The following NRCAM variants were observed in gnomAD, a reference collection of about 807,000 sequenced individuals.
NRCAM encodes the protein neuronal cell adhesion molecule, also known as NgCAM-related cell adhesion molecule.
Under a neutral mutation model 156.5 loss-of-function variants are expected in NRCAM, and 83 were observed. The ratio of observed to expected loss-of-function variants is 0.53; its 90% CI spans 0.44 to 0.64. NRCAM has a LOEUF of 0.64. Ranked by LOEUF, NRCAM falls within the 30% of genes least tolerant of loss-of-function variation. The pLI is 0.00. For synonymous variants in NRCAM, 538 were observed against 563.9 expected (o/e 0.95, Z 0.65); for missense variants, 1,417 against 1,597.3 (o/e 0.89, Z 1.92).
intron 11 of NRCAM, among the ~76,000 whole-genome samples, chr7:108,221,248 T>C (rs2092155009): frequency 6.6e-6 from 1 of 152,188 alleles, no homozygotes; most frequent in Admixed American, 6.5e-5. Flanking sequence ...ACAGTGCTGG[T>C]GGGAATGTAA....
At chr7:108,384,630 C>T (rs1470540406) in intron 2 of NRCAM, among the ~76,000 whole-genome samples, 1 of 152,174 alleles carries the variant, frequency 6.6e-6, no homozygotes, top group African/African-American at 2.4e-5. Flanking sequence ...GATTACAGCG[C>T]TTTTCTCACT....
chr7:108,191,353 T>C, intron 18 of NRCAM, 70 bp from the exon 19 acceptor site: 2 of 1,136,532 alleles, frequency 1.8e-6, no homozygotes, highest in Non-Finnish European at 1.3e-6. Flanking sequence ...TAGCACAAGA[T>C]GACAAAGACT....
chr7:108,374,364 G>A (rs1448586798), intron 2 of NRCAM, among the ~76,000 whole-genome samples: 1 of 151,974 alleles, frequency 6.6e-6, no homozygotes, highest in Non-Finnish European at 1.5e-5. Context: ...GTTTGGTATA[G>A]TGTATCATTT....
At chr7:108,187,275 C>T (rs1042395863) in intron 20 of NRCAM, among the ~76,000 whole-genome samples, 1 of 152,226 alleles carries the variant, frequency 6.6e-6, no homozygotes, top group African/African-American at 2.4e-5. Flanking sequence ...ACACACCCAC[C>T]ACCGAACTCT....
chr7:108,279,065 C>A (rs2097760132), intron 3 of NRCAM, among the ~76,000 whole-genome samples: 2 of 152,304 alleles, frequency 1.3e-5, no homozygotes, highest in Admixed American at 1.3e-4. Flanking sequence ...GCTTAGAAGG[C>A]ACTCTTTCCA....
chr7:108,434,101 T>C (rs1829186362), intron 1 of NRCAM, among the ~76,000 whole-genome samples: 1 of 152,202 alleles, frequency 6.6e-6, no homozygotes, highest in Non-Finnish European at 1.5e-5. Context: ...ACAGCATTTA[T>C]TTATGACAAC....
At chr7:108,255,973 C>T (rs1216323028) in intron 3 of NRCAM, among the ~76,000 whole-genome samples, 2 of 150,130 alleles carry the variant, frequency 1.3e-5, no homozygotes, top group African/African-American at 2.5e-5. Context: ...GGGCAGCCCC[C>T]GCCCGGCCAG....
At chr7:108,401,771 C>T (rs936046227) in intron 1 of NRCAM, among the ~76,000 whole-genome samples, 2 of 152,144 alleles carry the variant, frequency 1.3e-5, no homozygotes, top group African/African-American at 2.4e-5. Flanking sequence ...CTCTCTCTCC[C>T]GACCATGCGT....
intron 15 of NRCAM, 38 bp downstream of exon 15, chr7:108,195,723 A>C (rs778910516): frequency 4.5e-5 from 52 of 1,158,194 alleles, no homozygotes; most frequent in Non-Finnish European, 6.3e-5. Context: ...TTTAGCAAAC[A>C]TTTTAAGTAT....
chr7:108,244,223 G>A (rs1322825729), intron 3 of NRCAM, among the ~76,000 whole-genome samples: 1 of 151,788 alleles, frequency 6.6e-6, no homozygotes, highest in Non-Finnish European at 1.5e-5. Flanking sequence ...AACATGGGTG[G>A]GTTCCATGCT....
intron 3 of NRCAM, among the ~76,000 whole-genome samples, chr7:108,243,453 T>G (rs1194089953): frequency 1.3e-5 from 2 of 152,114 alleles, no homozygotes; most frequent in African/African-American, 4.8e-5. Context: ...TCAGTAGGAG[T>G]CCATCTGCCT....
chr7:108,239,097 T>A (rs2095353629), intron 4 of NRCAM, among the ~76,000 whole-genome samples: 2 of 152,174 alleles, frequency 1.3e-5, no homozygotes, highest in Admixed American at 1.3e-4. Context: ...AGAAATCGAT[T>A]CTGAAGTACA....
chr7:108,427,242 C>A (rs1351609206), intron 1 of NRCAM, among the ~76,000 whole-genome samples: 1 of 152,146 alleles, frequency 6.6e-6, no homozygotes, highest in Non-Finnish European at 1.5e-5. Flanking sequence ...ATAGTCTCTT[C>A]TCCAAAACCT....
intron 30 of NRCAM, among the ~76,000 whole-genome samples, chr7:108,164,317 T>G (rs1187781644): frequency 6.6e-6 from 1 of 152,006 alleles, no homozygotes; most frequent in Non-Finnish European, 1.5e-5. Context: ...TTTCAGTTTG[T>G]GCCATAGGAA....
At chr7:108,223,418 T>C (rs2092809238) in intron 11 of NRCAM, among the ~76,000 whole-genome samples, 1 of 152,144 alleles carries the variant, frequency 6.6e-6, no homozygotes, top group African/African-American at 2.4e-5. Context: ...CACAAGGTGA[T>C]TACTGATACT....
chr7:108,384,356 C>T (rs2099726643), intron 2 of NRCAM, among the ~76,000 whole-genome samples: 1 of 151,676 alleles, frequency 6.6e-6, no homozygotes, highest in Admixed American at 6.6e-5. Flanking sequence ...TGGGGGTGAA[C>T]TGGTAGAAAA....
chr7:108,156,039 T>C (rs1349187476), intron 32 of NRCAM, among the ~76,000 whole-genome samples: 3 of 152,128 alleles, frequency 2.0e-5, no homozygotes, highest in Non-Finnish European at 4.4e-5. Flanking sequence ...CACCCTCCCA[T>C]GGCCAAACCA....
intron 3 of NRCAM, among the ~76,000 whole-genome samples, chr7:108,247,226 G>A (rs1365749478): frequency 6.6e-6 from 1 of 152,188 alleles, no homozygotes; most frequent in African/African-American, 2.4e-5. Flanking sequence ...ATTTAGGAAT[G>A]GTTTATTATA....
rs564306670 is a variant in NRCAM at position 108,454,546 on chromosome 7, T to C, written c.-332+1697A>G. ...TCTAAAGCTCTCAAAACCGGTTGGC[T>C]ATCGTTACCATTAAAGCAGCAAGTA... On this transcript the variant is annotated intron_variant, in intron 1 of 32. Coordinates refer to ENST00000379028, the MANE Select transcript of NRCAM (RefSeq NM_001037132.4). 5.3e-5 allele frequency among the ~76,000 whole-genome samples: 8 copies of C among 152,354 alleles called. No individual in the cohort carries two copies. In the South Asian group the frequency reaches 1.7e-3, roughly 32 times the overall value.
Sources: allele counts gnomAD v4.1 joint callset (sites outside exome capture counted in the v4.1 genomes callset), GRCh38; gene constraint gnomAD v4.1.1; transcripts MANE v1.5; gene names NCBI Gene and HGNC (gene_info 2026-07-23, HGNC 2026-07-21).